SPATS2: variants seen among roughly 807,000 people sequenced by gnomAD.
SPATS2 encodes the protein spermatogenesis associated serine rich 2.
A neutral mutation model predicts 63.7 loss-of-function variants in SPATS2; 38 were observed. The observed-to-expected ratio is 0.60, with a 90% CI of 0.46 to 0.78. The LOEUF is 0.78. Among genes scored for constraint, SPATS2 ranks in the 30% least tolerant of loss-of-function variants. The pLI, the probability that SPATS2 is intolerant of heterozygous loss-of-function variation, is 0.00. For synonymous variants in SPATS2, 207 were observed against 232.9 expected, an observed-to-expected ratio of 0.89 and a Z score of 1.01; for missense variants, 588 against 666.2, an observed-to-expected ratio of 0.88 and a Z score of 1.29.
In SPATS2 at chr12:49,445,508, T is replaced by C. The variant is rs527438580; in HGVS notation, c.-243-15262T>C. 1.4e-4 allele frequency among the ~76,000 whole-genome samples: 22 copies of C among 152,018 alleles called. No homozygotes were observed. The East Asian group carries it at 4.3e-3, about 29-fold the overall frequency. Reference sequence around the variant, plus strand: ...GCTTGCATATATATATATATATTTATTTTCTTTTCTTTATCTTTTCTCTTT... The same window carrying C: ...GCTTGCATATATATATATATATTTACTTTCTTTTCTTTATCTTTTCTCTTT... On this transcript the variant is annotated intron_variant, in intron 2 of 13. Coordinates refer to ENST00000552918, the MANE Select transcript of SPATS2 (RefSeq NM_023071.4).
chr12:49,524,949 A>G (rs979850929), intron 13 of SPATS2, 53 bp downstream of exon 13: 12 of 1,557,960 alleles, frequency 7.7e-6, no homozygotes, highest in Non-Finnish European at 3.5e-6. Context: ...CCAGATTGTC[A>G]AAGCTTAAAT....
At chr12:49,409,396 C>T (rs1944755352) in intron 2 of SPATS2, among the ~76,000 whole-genome samples, 1 of 151,934 alleles carries the variant, frequency 6.6e-6, no homozygotes, top group Admixed American at 6.6e-5. Flanking sequence ...AGCTCCGCCT[C>T]CCGGGTTCAC....
At chr12:49,367,291 CACGCG>C (rs1943913911), upstream of SPATS2, 2 of 359,952 alleles carry the variant, frequency 5.6e-6, no homozygotes, top group Non-Finnish European at 9.9e-6. Context: ...GGCTGGCGCG[CACGCG>C]CCCGAGAGGG....
chr12:49,470,668 A>G (rs568854039), intron 3 of SPATS2, among the ~76,000 whole-genome samples: 283 of 152,300 alleles, frequency 1.9e-3, no homozygotes, highest in African/African-American at 6.5e-3. Context: ...CTGCCTAGTG[A>G]TAATCATGCC....
intron 9 of SPATS2, among the ~76,000 whole-genome samples, chr12:49,514,121 C>T (rs1373651668): frequency 6.7e-6 from 1 of 150,252 alleles, no homozygotes; most frequent in Non-Finnish European, 1.5e-5. Context: ...CGCGCCACTG[C>T]ACTCCAGCCT....
intron 2 of SPATS2, among the ~76,000 whole-genome samples, chr12:49,452,342 G>A (rs1945637772): frequency 6.6e-6 from 1 of 152,186 alleles, no homozygotes; most frequent in Non-Finnish European, 1.5e-5. Flanking sequence ...TTGCTGCTCA[G>A]ACTCATGGCT....
chr12:49,398,983 C>T (rs773491627), intron 2 of SPATS2, among the ~76,000 whole-genome samples: 11 of 152,166 alleles, frequency 7.2e-5, no homozygotes, highest in Non-Finnish European at 1.3e-4. Flanking sequence ...GCTTTGTCTC[C>T]AGTACTTGCA....
At chr12:49,386,915 CAGA>C (rs1001054136) in intron 2 of SPATS2, 1 of 152,164 alleles carries the variant, frequency 6.6e-6, no homozygotes, top group Non-Finnish European at 1.5e-5. Flanking sequence ...ACAAGGAATT[CAGA>C]GAGATACGGT....
chr12:49,506,233 T>G (rs1946652249), intron 9 of SPATS2, among the ~76,000 whole-genome samples: 1 of 152,224 alleles, frequency 6.6e-6, no homozygotes. Flanking sequence ...TGCACATGCC[T>G]GTAATCCCAG....
At chr12:49,414,216 G>A (rs552302387) in intron 2 of SPATS2, among the ~76,000 whole-genome samples, 27 of 152,148 alleles carry the variant, frequency 1.8e-4, no homozygotes, top group African/African-American at 6.5e-4. Context: ...GACTCTTATG[G>A]GAAGGGAGTT....
chr12:49,460,863 G>A lies in SPATS2; in HGVS notation c.-150G>A. 1.4e-6 allele frequency: 1 copy of A among 720,188 alleles called. No homozygotes were observed. The highest frequency in any genetic ancestry group is 2.4e-6 in the Non-Finnish European group (1 of 412,508). The allele number at this position is 720,188 out of a possible 1,614,324, so 44.6% of individuals were successfully genotyped here. On this transcript the variant is annotated 5_prime_UTR_variant, in exon 3 of 14. Transcript: ENST00000552918. ...AGGAAAGGAGATTAACAGCTAGTGA[G>A]CAGAATTTCGAACAGCAGGATTTCG...
At chr12:49,515,430 C>T (rs922359754) in intron 10 of SPATS2, among the ~76,000 whole-genome samples, 1 of 152,154 alleles carries the variant, frequency 6.6e-6, no homozygotes, top group South Asian at 2.1e-4. Context: ...TGGGCTAGGT[C>T]GAGATCATGA....
intron 2 of SPATS2, among the ~76,000 whole-genome samples, chr12:49,419,939 TTTC>T (rs753564455): frequency 6.6e-6 from 1 of 152,224 alleles, no homozygotes; most frequent in Non-Finnish European, 1.5e-5. Context: ...ATTCAAAGCA[TTTC>T]TGAAATGATG....
chr12:49,389,461 C>T, intron 2 of SPATS2: 2 of 711,192 alleles, frequency 2.8e-6, no homozygotes, highest in South Asian at 3.3e-5. Context: ...GCTTTGAGTC[C>T]TCATCGCCAC....
Position 49,442,184 on chromosome 12 carries a change from T to C in SPATS2, c.-243-18586T>C, listed in dbSNP as rs1030486899. Among the ~76,000 whole-genome samples the C allele has an allele frequency of 1.8e-4, 28 of 152,182 alleles. 1 individual carries two copies. The highest frequency in any genetic ancestry group is 6.5e-5 in the Admixed American group (1 of 15,280). On this transcript the variant is annotated intron_variant, in intron 2 of 13. Transcript: ENST00000552918. ...TAATTCAGTATCCCACATTATCTTC[T>C]GTTGTACCAAAAAATAACAAGCAAA...
intron 2 of SPATS2, among the ~76,000 whole-genome samples, chr12:49,425,831 CCACGT>C (rs1324854401): frequency 6.6e-6 from 1 of 152,028 alleles, no homozygotes. Context: ...GGGGGTTTCA[CCACGT>C]TGGCCAGGCT....
At chr12:49,478,987 T>C (rs1946162635) in intron 3 of SPATS2, among the ~76,000 whole-genome samples, 1 of 151,966 alleles carries the variant, frequency 6.6e-6, no homozygotes, top group Non-Finnish European at 1.5e-5. Context: ...AGTATTCAGC[T>C]CTCAGCAGAG....
At chr12:49,402,522 T>C (rs2137305973) in intron 2 of SPATS2, among the ~76,000 whole-genome samples, 1 of 152,274 alleles carries the variant, frequency 6.6e-6, no homozygotes, top group East Asian at 1.9e-4. Context: ...TCTAGGGTAT[T>C]GACTGTGGGA....
At chr12:49,371,325 T>C (rs1051787320) in intron 2 of SPATS2, 35 bp downstream of exon 2, 42 of 152,250 alleles carry the variant, frequency 2.8e-4, no homozygotes, top group African/African-American at 9.9e-4. Context: ...CTTTTTTGTG[T>C]CTGGTGTGTA....
Sources: allele counts gnomAD v4.1 joint callset (sites outside exome capture counted in the v4.1 genomes callset), GRCh38; gene constraint gnomAD v4.1.1; transcripts MANE v1.5; gene names NCBI Gene and HGNC (gene_info 2026-07-23, HGNC 2026-07-21).